Variants in KANK1 observed in about 807,000 individuals in gnomAD.
KANK1 encodes the protein KN motif and ankyrin repeat domains 1, also known as KN motif and ankyrin repeat domain-containing protein 1.
Under a neutral mutation model 106.2 loss-of-function variants are expected in KANK1, and 109 were observed. The observed-to-expected ratio is 1.03, with a 90% CI of 0.88 to 1.20. The LOEUF is 1.20. Ranked by LOEUF, KANK1 falls within the 50% of genes most tolerant of loss-of-function variation. The probability of loss-of-function intolerance (pLI) is 0.00; values close to 1 mark genes in which losing one functional copy is unlikely to be tolerated. For synonymous variants in KANK1, 873 were observed against 652.2 expected (o/e 1.34, Z -5.16); for missense variants, 2,399 against 1,710.7 (o/e 1.40, Z -7.10).
intron 2 of KANK1, among the ~76,000 whole-genome samples, chr9:685,080 G>C (rs1295823642): frequency 9.2e-5 from 14 of 152,162 alleles, no homozygotes. Flanking sequence ...GATATTTTTG[G>C]AGTGAGCCTT....
intron 1 of KANK1, among the ~76,000 whole-genome samples, chr9:602,795 T>C (rs1481731967): frequency 2.0e-5 from 3 of 151,908 alleles, no homozygotes; most frequent in Admixed American, 6.5e-5. Flanking sequence ...ATAACTTCTT[T>C]TGACTGCGCT....
intron 1 of KANK1, among the ~76,000 whole-genome samples, chr9:543,769 T>TA (rs2060759925): frequency 6.6e-6 from 1 of 152,122 alleles, no homozygotes; most frequent in Non-Finnish European, 1.5e-5. Context: ...CTAATTGATT[T>TA]AAAAAAGTAG....
intron 1 of KANK1, among the ~76,000 whole-genome samples, chr9:661,826 G>A (rs1843385500): frequency 6.6e-6 from 1 of 151,954 alleles, no homozygotes; most frequent in South Asian, 2.1e-4. Flanking sequence ...TCTAACTGGT[G>A]TGAGATGGTA....
intron 1 of KANK1, among the ~76,000 whole-genome samples, chr9:629,714 A>C (rs1317595100): frequency 2.0e-5 from 3 of 152,228 alleles, no homozygotes; most frequent in African/African-American, 7.2e-5. Flanking sequence ...CCTATAGTAC[A>C]AACGTGTTGG....
chr9:557,256 G>A (rs1214190401), intron 1 of KANK1, among the ~76,000 whole-genome samples: 6 of 151,194 alleles, frequency 4.0e-5, no homozygotes, highest in African/African-American at 1.5e-4. Context: ...TAAGTGAAAA[G>A]ATATATTGTT....
At chr9:495,228 T>C (rs1473715180) in intron 3 of KANK1, 2 of 152,220 alleles carry the variant, frequency 1.3e-5, no homozygotes, top group Non-Finnish European at 2.9e-5. Flanking sequence ...TCTGCCTCCT[T>C]CTCTTTCAGC....
At chr9:601,986 G>C (rs1268299096) in intron 1 of KANK1, among the ~76,000 whole-genome samples, 1 of 151,940 alleles carries the variant, frequency 6.6e-6, no homozygotes. Flanking sequence ...TGTGAACATG[G>C]TTGTACCAGG....
rs1408337757 is a variant in KANK1 at position 545,744 on chromosome 9, TTTTTTTTA to T, written c.-84+40991_-84+40998del. Among the ~76,000 whole-genome samples the T allele has an allele frequency of 1.3e-3, 183 of 143,304 alleles. 1 individual carries two copies. Among genetic ancestry groups the T allele is most frequent in the African/African-American group, 4.1e-3 (161 of 38,876 alleles). 94.0% of individuals were successfully genotyped at this position (143,304 alleles called of 152,430 possible). A position where few individuals can be genotyped will look rare whatever the true frequency, so the allele number is the denominator to read the frequency against. Reference sequence around the variant, plus strand: ...AGAGCCTTTTTTTTTTTTTTTTTTTTTTTTTTTAAATTCCCTGAGATGTAGTCTCGCTG... The same window carrying T: ...AGAGCCTTTTTTTTTTTTTTTTTTTTAATTCCCTGAGATGTAGTCTCGCTG... On this transcript the variant is annotated intron_variant, in intron 1 of 11. Coordinates refer to ENST00000382297, the MANE Select transcript of KANK1 (RefSeq NM_015158.5).
intron 3 of KANK1, among the ~76,000 whole-genome samples, chr9:723,409 G>A (rs1829862592): frequency 6.6e-6 from 1 of 152,098 alleles, no homozygotes; most frequent in Non-Finnish European, 1.5e-5. Context: ...TTACAGAGGT[G>A]GTTACACAGG....
intron 1 of KANK1, among the ~76,000 whole-genome samples, chr9:541,698 T>C (rs2060607755): frequency 6.6e-6 from 1 of 152,034 alleles, no homozygotes; most frequent in African/African-American, 2.4e-5. Flanking sequence ...TAGAATGGGA[T>C]AAAATGGTTG....
At chr9:480,166 T>C (rs1173778952) in intron 3 of KANK1, among the ~76,000 whole-genome samples, 1 of 152,218 alleles carries the variant, frequency 6.6e-6, no homozygotes, top group Non-Finnish European at 1.5e-5. Flanking sequence ...CATAAAGCTG[T>C]GAAAATGTCT....
chr9:671,136 T>A (rs1166381974), intron 1 of KANK1, among the ~76,000 whole-genome samples: 1 of 152,018 alleles, frequency 6.6e-6, no homozygotes, highest in Non-Finnish European at 1.5e-5. Flanking sequence ...TTATTTTGAG[T>A]GGCAAGAATC....
chr9:672,406 A>C (rs1393004266), intron 1 of KANK1, among the ~76,000 whole-genome samples: 1 of 152,214 alleles, frequency 6.6e-6, no homozygotes, highest in East Asian at 1.9e-4. Context: ...CTTATAATGA[A>C]TGTAATTTCT....
chr9:523,931 C>T (rs1230519203), intron 1 of KANK1, among the ~76,000 whole-genome samples: 2 of 151,436 alleles, frequency 1.3e-5, no homozygotes, highest in African/African-American at 2.4e-5. Flanking sequence ...AGGGCAGGAA[C>T]CTTTAGCTGG....
At chr9:513,230 A>C in intron 1 of KANK1, among the ~76,000 whole-genome samples, 1 of 152,254 alleles carries the variant, frequency 6.6e-6, no homozygotes, top group East Asian at 1.9e-4. Context: ...TTAGCATTTA[A>C]ATTATGAATG....
intron 1 of KANK1, among the ~76,000 whole-genome samples, chr9:624,939 C>G (rs1056623772): frequency 1.4e-4 from 22 of 152,308 alleles, no homozygotes; most frequent in African/African-American, 5.1e-4. Context: ...TAAACCTTGA[C>G]TTGGACTTAC....
chr9:630,746 AC>A (rs1406319452), intron 1 of KANK1, among the ~76,000 whole-genome samples: 1 of 150,646 alleles, frequency 6.6e-6, no homozygotes, highest in African/African-American at 2.5e-5. Flanking sequence ...TACTAAAAAT[AC>A]AAAAATTTAG....
At chr9:550,897 T>G (rs746078274) in intron 1 of KANK1, among the ~76,000 whole-genome samples, 1 of 152,180 alleles carries the variant, frequency 6.6e-6, no homozygotes, top group Non-Finnish European at 1.5e-5. Context: ...TTTCCTGTGA[T>G]ATGTTTTAGC....
intron 1 of KANK1, among the ~76,000 whole-genome samples, chr9:644,634 G>A (rs1291986329): frequency 2.0e-5 from 3 of 150,740 alleles, no homozygotes; most frequent in African/African-American, 2.5e-5. Flanking sequence ...GCACCCAGGG[G>A]ATGGTGCTGG....
Sources: gnomAD v4.1 joint callset for allele counts (sites outside exome capture counted in the v4.1 genomes callset) on GRCh38, gnomAD v4.1.1 for gene constraint, MANE v1.5 for transcripts, NCBI Gene and HGNC (gene_info 2026-07-23, HGNC 2026-07-21) for gene names.